The following NRXN3 variants were observed in gnomAD, a reference collection of about 807,000 sequenced individuals.
NRXN3 encodes the protein neurexin 3.
Under a neutral mutation model 137.6 loss-of-function variants are expected in NRXN3, and 32 were observed. The ratio of observed to expected loss-of-function variants is 0.23; its 90% CI spans 0.18 to 0.31. The LOEUF is 0.31. NRXN3 is among the 10% of genes least tolerant of loss of function. The probability of loss-of-function intolerance (pLI) is 1.00; values close to 1 mark genes in which losing one functional copy is unlikely to be tolerated. For synonymous variants in NRXN3, 798 were observed against 784.5 expected (o/e 1.02, Z -0.29); for missense variants, 1,574 against 2,062.5 (o/e 0.76, Z 4.59).
intron 4 of NRXN3, among the ~76,000 whole-genome samples, chr14:78,338,515 C>T (rs2081762907): frequency 6.6e-6 from 1 of 152,082 alleles, no homozygotes; most frequent in Non-Finnish European, 1.5e-5. Flanking sequence ...TGATGGATAG[C>T]CTAGAAGTGG....
chr14:79,036,415 G>A (rs1050247575), intron 15 of NRXN3, among the ~76,000 whole-genome samples: 8 of 151,962 alleles, frequency 5.3e-5, no homozygotes, highest in Non-Finnish European at 1.2e-4. Flanking sequence ...CTTGCGTGAG[G>A]GGGAGGACAT....
intron 16 of NRXN3, among the ~76,000 whole-genome samples, chr14:79,479,559 A>G (rs1476068460): frequency 6.6e-6 from 1 of 151,938 alleles, no homozygotes; most frequent in South Asian, 2.1e-4. Context: ...GGATGTGTTG[A>G]ATTTAGCAGG....
At position 78,894,355 on chromosome 14, in the gene NRXN3, A is replaced by T. The variant is rs189868323; in HGVS notation, c.2276-62887A>T. Among the ~76,000 whole-genome samples, 594 of 152,060 alleles carry T rather than the reference A, an allele frequency of 3.9e-3. 4 individuals carry two copies. The highest frequency in any genetic ancestry group is 0.014 in the African/African-American group (571 of 41,526). On this transcript the variant is annotated intron_variant, in intron 10 of 20. Coordinates refer to ENST00000335750, the MANE Select transcript of NRXN3 (RefSeq NM_001330195.2). ...GTTCACAGCATCTTTACCAGGAGAA[A>T]ATTCCATTTTAAGAAACTACTTTCT...
chr14:78,424,033 G>A (rs982785269), intron 4 of NRXN3, among the ~76,000 whole-genome samples: 2 of 152,186 alleles, frequency 1.3e-5, no homozygotes, highest in African/African-American at 4.8e-5. Flanking sequence ...ATTTAGCGGG[G>A]GTTCTTGACC....
intron 4 of NRXN3, among the ~76,000 whole-genome samples, chr14:78,371,329 A>G (rs1340067547): frequency 6.6e-6 from 1 of 152,202 alleles, no homozygotes; most frequent in Non-Finnish European, 1.5e-5. Flanking sequence ...GGAGCTCAGC[A>G]GTCTCTGGCT....
intron 2 of NRXN3, among the ~76,000 whole-genome samples, chr14:78,265,139 G>A (rs1369278800): frequency 1.3e-5 from 2 of 152,188 alleles, no homozygotes; most frequent in Non-Finnish European, 2.9e-5. Context: ...CAAGCTTTTG[G>A]TGATAGGTTG....
At chr14:79,026,855 A>T (rs865867651) in intron 15 of NRXN3, among the ~76,000 whole-genome samples, 27 of 151,508 alleles carry the variant, frequency 1.8e-4, no homozygotes, top group African/African-American at 6.5e-4. Context: ...TGGCAGAGTG[A>T]AATCCAATTA....
intron 16 of NRXN3, among the ~76,000 whole-genome samples, chr14:79,504,670 T>TATATATATATATATATAA (rs1297701522): frequency 4.4e-4 from 63 of 143,084 alleles, no homozygotes; most frequent in African/African-American, 1.6e-3. Flanking sequence ...TATATATATA[T>TATATATATATATATATAA]ATATAAAACA....
At chr14:79,402,507 T>C (rs920382675) in intron 15 of NRXN3, among the ~76,000 whole-genome samples, 1 of 152,236 alleles carries the variant, frequency 6.6e-6, no homozygotes, top group Non-Finnish European at 1.5e-5. Context: ...TTAGAGTTAA[T>C]GGTTTGAATT....
chr14:78,985,481 T>C (rs2099501007), intron 14 of NRXN3, among the ~76,000 whole-genome samples: 1 of 152,174 alleles, frequency 6.6e-6, no homozygotes, highest in African/African-American at 2.4e-5. Flanking sequence ...GGGAGAATTA[T>C]TGTTTGAAGT....
intron 6 of NRXN3, among the ~76,000 whole-genome samples, chr14:78,671,269 G>A (rs1022389652): frequency 9.2e-5 from 14 of 152,100 alleles, no homozygotes; most frequent in Non-Finnish European, 2.1e-4. Context: ...GACATTGTAG[G>A]TAATCATTTT....
At chr14:79,739,636 G>A (rs563188910) in intron 19 of NRXN3, among the ~76,000 whole-genome samples, 13 of 102,758 alleles carry the variant, frequency 1.3e-4, no homozygotes, top group Non-Finnish European at 1.6e-4. Flanking sequence ...GTGACAGAAC[G>A]AGACTCTGCC....
At chr14:79,180,270 T>C (rs2062784748) in intron 15 of NRXN3, among the ~76,000 whole-genome samples, 1 of 152,198 alleles carries the variant, frequency 6.6e-6, no homozygotes, top group Admixed American at 6.5e-5. Flanking sequence ...GGCCTATTGC[T>C]GCTACCTGCA....
At position 79,651,831 on chromosome 14, in the gene NRXN3, T is replaced by C. The variant is rs143017176; in HGVS notation, c.3445-11947T>C. On this transcript the variant is annotated intron_variant, in intron 16 of 20. Transcript: ENST00000335750. ...GAAGATCTTTCCTGTGTTTGGGTCA[T>C]TCCTAGATCAGTGATCCCTAATGAC... is the stretch of plus-strand genomic sequence containing the variant. Among the ~76,000 whole-genome samples, 5 of 152,288 alleles carry C rather than the reference T, an allele frequency of 3.3e-5. No homozygotes were observed. The East Asian group carries it at 7.7e-4, about 24-fold the overall frequency.
chr14:79,242,043 G>T (rs2074393394), intron 15 of NRXN3, among the ~76,000 whole-genome samples: 1 of 151,690 alleles, frequency 6.6e-6, no homozygotes, highest in Admixed American at 6.6e-5. Context: ...CTCCAGCCTG[G>T]GTGACAGAGC....
In NRXN3 at chr14:78,364,562, TG is replaced by T. The variant is rs548455198; in HGVS notation, c.757+66703del. Among the ~76,000 whole-genome samples, 17 of 152,362 alleles carry T rather than the reference TG, an allele frequency of 1.1e-4. No homozygotes were observed. In the East Asian group the frequency reaches 3.3e-3, roughly 29 times the overall value. On this transcript the variant is annotated intron_variant, in intron 4 of 20. Coordinates refer to ENST00000335750, the MANE Select transcript of NRXN3 (RefSeq NM_001330195.2). ...CATTTTCAAATAATCTGATGTCAGA[TG>T]TATACATGTGTCAGATGGATACATG...
intron 4 of NRXN3, among the ~76,000 whole-genome samples, chr14:78,314,661 G>C (rs2078345150): frequency 6.6e-6 from 1 of 152,180 alleles, no homozygotes; most frequent in Non-Finnish European, 1.5e-5. Context: ...CAGGAGAACA[G>C]GATAAGGGGC....
chr14:79,827,691 CTTTT>C (rs71103825), intron 20 of NRXN3, among the ~76,000 whole-genome samples: 76,819 of 129,480 alleles, frequency 0.59, 22,234 homozygotes, highest in African/African-American at 0.7. Context: ...ATGCCACAAA[CTTTT>C]TTTTTTTTTT....
At chr14:78,271,352 T>A (rs1437597302) in intron 2 of NRXN3, among the ~76,000 whole-genome samples, 1 of 152,088 alleles carries the variant, frequency 6.6e-6, no homozygotes, top group African/African-American at 2.4e-5. Flanking sequence ...TATTCCTGTG[T>A]GGCAGAAGAG....
Sources: allele counts gnomAD v4.1 joint callset (sites outside exome capture counted in the v4.1 genomes callset), GRCh38; gene constraint gnomAD v4.1.1; transcripts MANE v1.5; gene names NCBI Gene and HGNC (gene_info 2026-07-23, HGNC 2026-07-21).